The following SNX29 variants were observed in gnomAD, a reference collection of about 807,000 sequenced individuals.
SNX29 encodes the protein sorting nexin-29.
A neutral mutation model predicts 102.1 loss-of-function variants in SNX29; 78 were observed. That is an observed-to-expected ratio of 0.76 (90% CI 0.64 to 0.92). The LOEUF (loss-of-function observed/expected upper bound fraction) is 0.92, where lower values mean the gene tolerates loss of function less well. Among genes scored for constraint, SNX29 ranks in the 40% least tolerant of loss-of-function variants. The probability of loss-of-function intolerance (pLI) is 0.00; values close to 1 mark genes in which losing one functional copy is unlikely to be tolerated. For synonymous variants in SNX29, 580 were observed against 414.5 expected (o/e 1.40, Z -4.85); for missense variants, 1,280 against 1,061.7 (o/e 1.21, Z -2.86).
chr16:12,310,066 G>A lies in SNX29; in HGVS notation c.1782+32030G>A, dbSNP rs57169088. On this transcript the variant is annotated intron_variant, in intron 15 of 20. Transcript: ENST00000566228. ...CACATATGTACACACACGCATGCAC[G>A]CACATACATACACATGTGCACACAT... 1.0e-3 allele frequency among the ~76,000 whole-genome samples: 159 copies of A among 151,746 alleles called. No individual in the cohort carries two copies. In the East Asian group the frequency reaches 0.024, roughly 23 times the overall value.
At chr16:12,417,454 G>C (rs1390731932) in intron 18 of SNX29, among the ~76,000 whole-genome samples, 1 of 152,190 alleles carries the variant, frequency 6.6e-6, no homozygotes, top group Non-Finnish European at 1.5e-5. Context: ...GGAGGGAGAT[G>C]AGCTAGTGGG....
intron 16 of SNX29, among the ~76,000 whole-genome samples, chr16:12,388,630 A>G (rs1172304495): frequency 1.3e-5 from 2 of 152,200 alleles, no homozygotes; most frequent in African/African-American, 2.4e-5. Context: ...TGCAGCCTGA[A>G]AGCGGTCATA....
chr16:12,284,225 C>T lies in SNX29; in HGVS notation c.1782+6189C>T, dbSNP rs147144909. On this transcript the variant is annotated intron_variant, in intron 15 of 20. Coordinates refer to ENST00000566228, the MANE Select transcript of SNX29 (RefSeq NM_032167.5). ...GGTGACTTGGAAAGCACATGTATCGCGTGTCAGACTGAGTTCAGATTTGCC... is the reference window on the plus strand; with the variant it reads ...GGTGACTTGGAAAGCACATGTATCGTGTGTCAGACTGAGTTCAGATTTGCC... Among the ~76,000 whole-genome samples the T allele has an allele frequency of 2.5e-3, 376 of 152,352 alleles. 2 individuals are homozygous for T. The highest frequency in any genetic ancestry group is 8.1e-3 in the African/African-American group (337 of 41,584).
rs560580481 is a variant in SNX29, at chr16:12,099,868, A to G, written c.1402+20953A>G. Among the ~76,000 whole-genome samples, 4 of 152,162 alleles carry G rather than the reference A, an allele frequency of 2.6e-5. No homozygotes were observed. In the South Asian group the frequency reaches 6.2e-4, roughly 24 times the overall value. Reference sequence around the variant, plus strand: ...ATGGAAGGACCCTAAATGCAAATCCATCTCTGGAGTGGCACTCTCCTGTGA... The same window carrying G: ...ATGGAAGGACCCTAAATGCAAATCCGTCTCTGGAGTGGCACTCTCCTGTGA... On this transcript the variant is annotated intron_variant, in intron 11 of 20. Coordinates refer to ENST00000566228, the MANE Select transcript of SNX29 (RefSeq NM_032167.5).
chr16:12,541,088 A>G (rs1046996400), intron 20 of SNX29, among the ~76,000 whole-genome samples: 10 of 152,150 alleles, frequency 6.6e-5, no homozygotes, highest in East Asian at 1.9e-4. Context: ...TGCCTCATGC[A>G]TCCACTCCAG....
At chr16:12,550,680 C>G (rs1036948729) in intron 20 of SNX29, among the ~76,000 whole-genome samples, 1 of 152,112 alleles carries the variant, frequency 6.6e-6, no homozygotes, top group Non-Finnish European at 1.5e-5. Context: ...GGAAGACTCA[C>G]TTTTTCATGT....
At chr16:12,388,300 A>G (rs1363184447) in intron 16 of SNX29, among the ~76,000 whole-genome samples, 1 of 152,240 alleles carries the variant, frequency 6.6e-6, no homozygotes, top group Non-Finnish European at 1.5e-5. Context: ...CCTCTGTAGA[A>G]TACGGGAAAC....
At chr16:12,523,407 C>T (rs971850034) in intron 19 of SNX29, among the ~76,000 whole-genome samples, 3 of 152,252 alleles carry the variant, frequency 2.0e-5, no homozygotes, top group Non-Finnish European at 2.9e-5. Flanking sequence ...TGTTTCTTCA[C>T]CTTGCTTGGT....
At chr16:12,170,762 G>C (rs994746985) in intron 13 of SNX29, among the ~76,000 whole-genome samples, 2 of 119,618 alleles carry the variant, frequency 1.7e-5, no homozygotes, top group Non-Finnish European at 3.1e-5. Context: ...GTGTGTGTGA[G>C]AGGAGTGTGA....
chr16:12,212,208 G>A (rs899087316), intron 14 of SNX29, among the ~76,000 whole-genome samples: 4 of 152,120 alleles, frequency 2.6e-5, no homozygotes, highest in Admixed American at 2.0e-4. Context: ...GAAAAAATGC[G>A]CCATGTTCGC....
At chr16:12,018,208 ATC>A (rs2056907491) in intron 3 of SNX29, among the ~76,000 whole-genome samples, 1 of 152,066 alleles carries the variant, frequency 6.6e-6, no homozygotes, top group Non-Finnish European at 1.5e-5. Context: ...GTTTCTTTTT[ATC>A]TGTTTGATCT....
rs201452368 is a variant in SNX29 at position 12,277,913 on chromosome 16, A to G, written c.1679-20A>G. 2.1e-4 allele frequency: 335 copies of G among 1,582,446 alleles called. 1 individual carries two copies. The highest frequency in any genetic ancestry group is 2.6e-4 in the Non-Finnish European group (298 of 1,160,818). On this transcript the variant is annotated intron_variant, in intron 14 of 20. Coordinates refer to ENST00000566228, the MANE Select transcript of SNX29 (RefSeq NM_032167.5). ...TCGATACTGTTGAAATATTTATGAC[A>G]TGTCTCTCTTTCTCTAAAGTGCCAA...
chr16:12,031,535 G>A (rs2151133678), intron 4 of SNX29, among the ~76,000 whole-genome samples: 1 of 152,000 alleles, frequency 6.6e-6, no homozygotes, highest in Non-Finnish European at 1.5e-5. Flanking sequence ...GGCCGGGCGT[G>A]GTGGCTCATG....
At chr16:12,375,242 A>G (rs925078114) in intron 16 of SNX29, 3 of 152,204 alleles carry the variant, frequency 2.0e-5, no homozygotes, top group African/African-American at 7.2e-5. Flanking sequence ...GAATGATTTG[A>G]CATTATGCCA....
intron 15 of SNX29, among the ~76,000 whole-genome samples, chr16:12,311,500 A>G (rs938019789): frequency 6.6e-6 from 1 of 151,986 alleles, no homozygotes; most frequent in African/African-American, 2.4e-5. Flanking sequence ...GCCGCCTCCC[A>G]TTTCCTCCAG....
intron 18 of SNX29, among the ~76,000 whole-genome samples, chr16:12,435,206 A>G (rs1033411607): frequency 6.6e-6 from 1 of 152,066 alleles, no homozygotes; most frequent in Non-Finnish European, 1.5e-5. Context: ...GTTTCCCTCT[A>G]TTCCTCCCAT....
At chr16:12,099,907 T>G (rs1218128991) in intron 11 of SNX29, among the ~76,000 whole-genome samples, 3 of 152,152 alleles carry the variant, frequency 2.0e-5, no homozygotes, top group Non-Finnish European at 4.4e-5. Context: ...CTAGGCATGA[T>G]GAACCCGGGA....
At chr16:12,500,486 G>A (rs1048494065) in intron 19 of SNX29, among the ~76,000 whole-genome samples, 1 of 152,234 alleles carries the variant, frequency 6.6e-6, no homozygotes, top group Non-Finnish European at 1.5e-5. Context: ...TCCTTTTGCT[G>A]TCAACCCCAT....
At chr16:12,182,700 C>T (rs1023046274) in intron 13 of SNX29, among the ~76,000 whole-genome samples, 39 of 152,120 alleles carry the variant, frequency 2.6e-4, no homozygotes, top group African/African-American at 7.5e-4. Flanking sequence ...GACGCTGAGG[C>T]GGGTGGATCA....
Sources: gnomAD v4.1 joint callset for allele counts (sites outside exome capture counted in the v4.1 genomes callset) on GRCh38, gnomAD v4.1.1 for gene constraint, MANE v1.5 for transcripts, NCBI Gene and HGNC (gene_info 2026-07-23, HGNC 2026-07-21) for gene names.